RNF185: variants seen among roughly 807,000 people sequenced by gnomAD.
RNF185 encodes ring finger protein 185.
In RNF185, 13 loss-of-function variants were observed where a neutral mutation model predicts 24.9. The ratio of observed to expected loss-of-function variants is 0.52; its 90% CI spans 0.34 to 0.83. The LOEUF (loss-of-function observed/expected upper bound fraction) is 0.83. Ranked by LOEUF, RNF185 falls within the 40% of genes least tolerant of loss-of-function variation. RNF185 has a pLI of 0.01. For synonymous variants in RNF185, 79 were observed against 90.3 expected (o/e 0.88, Z 0.71); for missense variants, 184 against 244.7 (o/e 0.75, Z 1.65).
rs770138732 is a variant in RNF185, at chr22:31,196,941, A to T, written c.314A>T (p.Lys105Met). The part of the protein sequence containing the change: ...GSTGQQDPRE[K>M]TPPRPQGQRP... Reference sequence around the variant, plus strand: ...TTACACCATTTCTGTTTCAGAGAGAAGACCCCTCCTCGTCCTCAAGGACAG... The same window carrying T: ...TTACACCATTTCTGTTTCAGAGAGATGACCCCTCCTCGTCCTCAAGGACAG... Residue 105 changes from lysine (K) to methionine (M), a missense_variant, in exon 5 of 7, where the codon AAG (lysine) becomes ATG (methionine). Physicochemically the swap from Lys to Met is moderately conservative, Grantham distance 95. Coordinates refer to ENST00000326132, the MANE Select transcript of RNF185 (RefSeq NM_152267.4). 4.3e-6 allele frequency: 7 copies of T among 1,612,228 alleles called. No homozygotes were observed. The Admixed American group carries it at 1.0e-4, about 23-fold the overall frequency.
At chr22:31,163,327 G>T (rs1043329020) in intron 1 of RNF185, among the ~76,000 whole-genome samples, 2 of 150,812 alleles carry the variant, frequency 1.3e-5, no homozygotes, top group African/African-American at 4.9e-5. Flanking sequence ...GACCTGCATC[G>T]TGTACATTTT....
rs1437676721 is a variant in RNF185 at position 31,165,254 on chromosome 22, G to A, written c.-49+4951G>A. ...AATTTATGAGGGTTCCAGTTTCTCC[G>A]CATCCACAACACTTGTTATTGCCCA... is the stretch of plus-strand genomic sequence containing the variant. On this transcript the variant is annotated intron_variant, in intron 1 of 6. Coordinates refer to ENST00000326132, the MANE Select transcript of RNF185 (RefSeq NM_152267.4). Among the ~76,000 whole-genome samples the A allele has an allele frequency of 5.3e-5, 8 of 152,110 alleles. No individual in the cohort carries two copies. In the East Asian group the frequency reaches 9.7e-4, roughly 18 times the overall value.
intron 1 of RNF185, among the ~76,000 whole-genome samples, chr22:31,184,925 T>G (rs1602825853): frequency 1.0e-5 from 1 of 96,142 alleles, no homozygotes. Flanking sequence ...ACGAGGACCG[T>G]GCAAAGGGGA....
chr22:31,167,433 A>G (rs544087998), intron 1 of RNF185, among the ~76,000 whole-genome samples: 11 of 152,068 alleles, frequency 7.2e-5, no homozygotes, highest in African/African-American at 2.7e-4. Context: ...AGCATACCAA[A>G]CAGAAACTCT....
intron 1 of RNF185, among the ~76,000 whole-genome samples, chr22:31,180,646 C>T (rs187757151): frequency 3.9e-5 from 6 of 152,100 alleles, no homozygotes; most frequent in Admixed American, 6.5e-5. Context: ...CTACCTTGGC[C>T]TCCCAAAGTA....
chr22:31,174,218 G>C (rs2147929989), intron 1 of RNF185, among the ~76,000 whole-genome samples: 1 of 152,288 alleles, frequency 6.6e-6, no homozygotes, highest in South Asian at 2.1e-4. Context: ...AGAATAAGTT[G>C]CAGAGCTGAG....
At chr22:31,173,211 A>G (rs182142866) in intron 1 of RNF185, among the ~76,000 whole-genome samples, 6 of 149,588 alleles carry the variant, frequency 4.0e-5, no homozygotes, top group Admixed American at 1.4e-4. Flanking sequence ...CAGATCCCTC[A>G]ATTTTTTTTT....
chr22:31,168,678 C>T (rs1444807533), intron 1 of RNF185, among the ~76,000 whole-genome samples: 2 of 152,138 alleles, frequency 1.3e-5, no homozygotes, highest in Non-Finnish European at 2.9e-5. Context: ...TTTACATTCC[C>T]ACCAACAGAG....
chr22:31,180,732 T>C (rs2048026511), intron 1 of RNF185, among the ~76,000 whole-genome samples: 1 of 152,156 alleles, frequency 6.6e-6, no homozygotes, highest in African/African-American at 2.4e-5. Context: ...TTGTAACATA[T>C]GTAAAATACT....
chr22:31,184,864 A>T (rs34393769), intron 1 of RNF185, among the ~76,000 whole-genome samples: 4 of 140,596 alleles, frequency 2.8e-5, no homozygotes, highest in Non-Finnish European at 6.1e-5. Flanking sequence ...AGATGGCGGC[A>T]GTACTGTCCA....
At chr22:31,184,183 G>T (rs971215700) in intron 1 of RNF185, among the ~76,000 whole-genome samples, 1 of 150,448 alleles carries the variant, frequency 6.6e-6, no homozygotes, top group Admixed American at 6.6e-5. Context: ...GGGCAGAGGG[G>T]CTCCTCACTT....
chr22:31,181,274 G>A (rs956804605), intron 1 of RNF185, among the ~76,000 whole-genome samples: 2 of 151,928 alleles, frequency 1.3e-5, no homozygotes, highest in Non-Finnish European at 2.9e-5. Context: ...AGCCCAGGAG[G>A]TTGAGCTTGC....
intron 2 of RNF185, 142 bp from the exon 3 acceptor site, chr22:31,192,542 C>G: frequency 2.8e-6 from 2 of 711,646 alleles, no homozygotes; most frequent in Non-Finnish European, 5.1e-6. Flanking sequence ...AATGGGCATG[C>G]AGTGCTCCAT....
chr22:31,187,337 G>A, intron 2 of RNF185, 67 bp downstream of exon 2: 1 of 1,563,056 alleles, frequency 6.4e-7, no homozygotes, highest in Non-Finnish European at 8.8e-7. Flanking sequence ...GCCCTGGGTG[G>A]TTTGGAGCAG....
intron 1 of RNF185, among the ~76,000 whole-genome samples, chr22:31,171,378 A>G (rs769512372): frequency 6.8e-6 from 1 of 148,100 alleles, no homozygotes; most frequent in Non-Finnish European, 1.5e-5. Flanking sequence ...ACAGGGTTTC[A>G]CTATGTTGGC....
At chr22:31,201,822 A>G (rs1334444104) in intron 6 of RNF185, among the ~76,000 whole-genome samples, 1 of 152,230 alleles carries the variant, frequency 6.6e-6, no homozygotes, top group African/African-American at 2.4e-5. Flanking sequence ...GCATATATAT[A>G]GCACTTTCCA....
chr22:31,201,431 G>A (rs1159813977), intron 5 of RNF185, 67 bp from the exon 6 acceptor site: 2 of 1,133,334 alleles, frequency 1.8e-6, no homozygotes, highest in Non-Finnish European at 2.7e-6. Context: ...GAGGTATGTT[G>A]AGTTTTGACA....
At chr22:31,173,403 T>TCACA (rs1239424812) in intron 1 of RNF185, among the ~76,000 whole-genome samples, 1 of 49,982 alleles carries the variant, frequency 2.0e-5, no homozygotes, top group Non-Finnish European at 3.9e-5. Context: ...GTCAACTCAT[T>TCACA]CACACACACA....
chr22:31,200,701 G>A (rs1048800393), intron 5 of RNF185, among the ~76,000 whole-genome samples: 1 of 152,202 alleles, frequency 6.6e-6, no homozygotes, highest in African/African-American at 2.4e-5. Context: ...TATTTCAGAG[G>A]TAAAGTGGAG....
Sources: allele counts gnomAD v4.1 joint callset (sites outside exome capture counted in the v4.1 genomes callset), GRCh38; gene constraint gnomAD v4.1.1; transcripts MANE v1.5; gene names NCBI Gene and HGNC (gene_info 2026-07-23, HGNC 2026-07-21).